Variants in CCDC136 observed in about 807,000 individuals in gnomAD.
The protein encoded by CCDC136 is coiled-coil domain containing 136.
In CCDC136, 100 loss-of-function variants were observed where a neutral mutation model predicts 141.2. That is an observed-to-expected ratio of 0.71 (90% CI 0.60 to 0.84). The LOEUF (loss-of-function observed/expected upper bound fraction) is 0.84, where lower values mean the gene tolerates loss of function less well. Ranked by LOEUF, CCDC136 falls within the 40% of genes least tolerant of loss-of-function variation. The pLI is 0.00. For synonymous variants in CCDC136, 474 were observed against 531.9 expected, an observed-to-expected ratio of 0.89 and a Z score of 1.50; for missense variants, 1,206 against 1,379.4, an observed-to-expected ratio of 0.87 and a Z score of 1.99.
upstream of CCDC136, chr7:128,791,627 G>C (rs544429003): frequency 4.1e-6 from 4 of 967,640 alleles, no homozygotes; most frequent in South Asian, 1.5e-4. The surrounding 1 kb of genome is among the most constrained non-coding windows in gnomAD (Gnocchi z 7.1). Flanking sequence ...CAGACCCCCA[G>C]GTGCTCCCGG....
intron 4 of CCDC136, among the ~76,000 whole-genome samples, chr7:128,803,070 T>C (rs2128906623): frequency 6.6e-6 from 1 of 152,264 alleles, no homozygotes; most frequent in East Asian, 1.9e-4. Flanking sequence ...TTTTAGGGTG[T>C]TGAATCTTCC....
chr7:128,814,043 A>G (rs1806186817), intron 14 of CCDC136, among the ~76,000 whole-genome samples: 1 of 152,040 alleles, frequency 6.6e-6, no homozygotes, highest in Admixed American at 6.5e-5. Flanking sequence ...CCCTATTGTT[A>G]TTCCCCAGTC....
At position 128,807,433 on chromosome 7, in the gene CCDC136, A is replaced by G. The variant is rs1352000532; in HGVS notation, c.1493A>G (p.Gln498Arg). The change falls in exon 10 of 18, where the codon CAG becomes CGG. Residue 498 changes from glutamine to arginine, a missense_variant. By Grantham distance (43) the Gln-to-Arg change is conservative (BLOSUM62 1). Transcript: ENST00000297788. Reference sequence around the variant, plus strand: ...GCCAGCAAGGACGAGCTGGAGCGGCAGAAGCACATGTATGACCAGCTGGAG... The same window carrying G: ...GCCAGCAAGGACGAGCTGGAGCGGCGGAAGCACATGTATGACCAGCTGGAG... Reference protein sequence around the residue: ...YQASKDELERQKHMYDQLEQD... With the variant: ...YQASKDELERRKHMYDQLEQD... 1 of 1,577,842 alleles carries G rather than the reference A, an allele frequency of 6.3e-7. No homozygotes were observed. Among genetic ancestry groups the G allele is most frequent in the Admixed American group, 1.8e-5 (1 of 55,004 alleles).
chr7:128,802,496 A>G (rs1386144251), intron 4 of CCDC136, among the ~76,000 whole-genome samples: 1 of 152,014 alleles, frequency 6.6e-6, no homozygotes, highest in African/African-American at 2.4e-5. Flanking sequence ...AGCTCCACTA[A>G]TTAGCAGGAT....
At chr7:128,813,333 G>C (rs754952605) in intron 14 of CCDC136, among the ~76,000 whole-genome samples, 1 of 152,134 alleles carries the variant, frequency 6.6e-6, no homozygotes, top group Admixed American at 6.5e-5. Flanking sequence ...CTTTTGGATC[G>C]CTCACAATGC....
chr7:128,801,714 C>T (rs190306225), intron 4 of CCDC136, among the ~76,000 whole-genome samples: 6 of 152,104 alleles, frequency 3.9e-5, no homozygotes, highest in African/African-American at 9.7e-5. Flanking sequence ...GAGGATCACT[C>T]GAGCCCAGGC....
At chr7:128,796,260 A>G (rs1376850215) in intron 3 of CCDC136, among the ~76,000 whole-genome samples, 2 of 152,154 alleles carry the variant, frequency 1.3e-5, no homozygotes, top group Non-Finnish European at 2.9e-5. Flanking sequence ...CATTTGAGCT[A>G]AGACCTGAAT....
chr7:128,813,795 A>G (rs1806138451), intron 14 of CCDC136, among the ~76,000 whole-genome samples: 2 of 152,154 alleles, frequency 1.3e-5, no homozygotes. Context: ...AGCCTGGCCA[A>G]CTTGGAGAAA....
At chr7:128,810,486 CA>C in intron 12 of CCDC136, 120 bp downstream of exon 12, 1 of 678,354 alleles carries the variant, frequency 1.5e-6, no homozygotes, top group Non-Finnish European at 2.5e-6. Context: ...AAGGATAAGG[CA>C]AAAGCCCTGC....
At chr7:128,798,139 G>A (rs1223895137) in intron 3 of CCDC136, among the ~76,000 whole-genome samples, 1 of 148,796 alleles carries the variant, frequency 6.7e-6, no homozygotes, top group African/African-American at 2.5e-5. Flanking sequence ...GGATGGTCTC[G>A]ATCTCCTGAC....
chr7:128,814,922 G>A lies in CCDC136; in HGVS notation c.3045+3G>A, dbSNP rs1159612774. 6 of 1,579,354 alleles carry A rather than the reference G, an allele frequency of 3.8e-6. No homozygotes were observed. The South Asian group carries it at 7.0e-5, about 18-fold the overall frequency. On this transcript the variant is annotated splice_donor_region_variant and intron_variant, in intron 15 of 17. Transcript: ENST00000297788. ...AGAGCGACCTTGAGACCAGAAAGGT[G>A]AGTAGTAACCTTGGTAGCCAGATAA... is the stretch of plus-strand genomic sequence containing the variant.
Position 128,807,408 on chromosome 7 carries a change from G to A in CCDC136, c.1468G>A (p.Ala490Thr). 1 of 1,583,454 alleles carries A rather than the reference G, an allele frequency of 6.3e-7. No individual in the cohort carries two copies. Among genetic ancestry groups the A allele is most frequent in the Non-Finnish European group, 8.6e-7 (1 of 1,165,466 alleles). Residue 490 changes from alanine to threonine, a missense_variant, in exon 10 of 18, where the codon GCC becomes ACC. By Grantham distance (58) the Ala-to-Thr change is moderately conservative (BLOSUM62 0). Transcript: ENST00000297788. The stretch of plus-strand genomic sequence containing the variant: ...TCAGGAGATGAAGCAGCTGTACCAG[G>A]CCAGCAAGGACGAGCTGGAGCGGCA... ...QLQEMKQLYQASKDELERQKH... is the reference protein window; with the variant it reads ...QLQEMKQLYQTSKDELERQKH...
At chr7:128,812,573 G>A (rs1805922184) in intron 13 of CCDC136, 135 bp from the exon 14 acceptor site, 1 of 738,666 alleles carries the variant, frequency 1.4e-6, no homozygotes, top group African/African-American at 1.7e-5. Context: ...CTTTATGGGG[G>A]TAAATATAGT....
chr7:128,816,436 T>C (rs963082708), intron 16 of CCDC136, among the ~76,000 whole-genome samples: 11 of 152,194 alleles, frequency 7.2e-5, no homozygotes, highest in African/African-American at 2.7e-4. Context: ...TGTTGCCCCC[T>C]GGATTCTGTA....
chr7:128,809,993 C>T, intron 11 of CCDC136, 146 bp from the exon 12 acceptor site: 1 of 611,740 alleles, frequency 1.6e-6, no homozygotes, highest in South Asian at 2.1e-5. Flanking sequence ...CATAGAAGGG[C>T]TCCCCCGTCC....
Position 128,821,836 on chromosome 7 carries a change from C to T in CCDC136, c.*43C>T. The T allele has an allele frequency of 7.7e-7, 1 of 1,290,352 alleles. No homozygotes were observed. Among genetic ancestry groups the T allele is most frequent in the Non-Finnish European group, 1.0e-6 (1 of 988,990 alleles). 79.9% of individuals were successfully genotyped at this position (1,290,352 alleles called of 1,614,324 possible). The stretch of plus-strand genomic sequence containing the variant: ...TTGTGGAAGCCTATGGTATTCTTGG[C>T]TATTGCAGCTGTGGCTCTGTATGTG... On this transcript the variant is annotated 3_prime_UTR_variant, in exon 18 of 18. Coordinates refer to ENST00000297788, the MANE Select transcript of CCDC136 (RefSeq NM_022742.5). This position sits in a 1 kb window ranked among gnomAD's most constrained non-coding sequence, Gnocchi z 5.1.
At chr7:128,793,665 A>T (rs1802532395) in intron 1 of CCDC136, among the ~76,000 whole-genome samples, 1 of 152,192 alleles carries the variant, frequency 6.6e-6, no homozygotes, top group Admixed American at 6.5e-5. Flanking sequence ...CTGGAGTGCC[A>T]GTGGCTCGAT....
At chr7:128,801,824 C>T (rs1049513548) in intron 4 of CCDC136, among the ~76,000 whole-genome samples, 2 of 151,958 alleles carry the variant, frequency 1.3e-5, no homozygotes, top group Non-Finnish European at 2.9e-5. Context: ...AAAAACCTAC[C>T]CAGATGTTAC....
intron 10 of CCDC136, chr7:128,808,777 T>G: frequency 1.0e-6 from 1 of 985,414 alleles, no homozygotes; most frequent in Non-Finnish European, 1.2e-6. Flanking sequence ...GATCTGTGAC[T>G]TGCTCGTCAC....
Sources: allele counts gnomAD v4.1 joint callset (sites outside exome capture counted in the v4.1 genomes callset), GRCh38; gene constraint gnomAD v4.1.1; non-coding constraint Gnocchi (gnomAD v3.1); transcripts MANE v1.5; gene names NCBI Gene and HGNC (gene_info 2026-07-23, HGNC 2026-07-21).